The following KDM4C variants were observed in gnomAD, a reference collection of about 807,000 sequenced individuals.
The protein encoded by KDM4C is lysine-specific demethylase 4C.
A neutral mutation model predicts 129.3 loss-of-function variants in KDM4C; 81 were observed. The ratio of observed to expected loss-of-function variants is 0.63; its 90% confidence interval spans 0.52 to 0.75. KDM4C has a LOEUF of 0.75. Among genes scored for constraint, KDM4C ranks in the 30% least tolerant of loss-of-function variants. The pLI is 0.00. For missense variants in KDM4C, 1,457 were observed against 1,304.0 expected, an observed-to-expected ratio of 1.12 and a Z score of -1.81; for synonymous variants, 573 against 456.1, an observed-to-expected ratio of 1.26 and a Z score of -3.26.
chr9:6,732,228 G>A (rs974359270), intron 1 of KDM4C, among the ~76,000 whole-genome samples: 7 of 151,588 alleles, frequency 4.6e-5, no homozygotes, highest in Non-Finnish European at 7.4e-5. Flanking sequence ...AGCCGGGCGT[G>A]GTGGTGGGCG....
At chr9:6,731,953 G>C (rs1174719369) in intron 1 of KDM4C, among the ~76,000 whole-genome samples, 3 of 152,120 alleles carry the variant, frequency 2.0e-5, no homozygotes, top group Non-Finnish European at 4.4e-5. Flanking sequence ...ACCTTTGGGA[G>C]AATACAGTGC....
At chr9:6,748,417 G>T (rs1458172237) in intron 1 of KDM4C, among the ~76,000 whole-genome samples, 1 of 151,640 alleles carries the variant, frequency 6.6e-6, no homozygotes, top group African/African-American at 2.4e-5. Context: ...TGAGGCAGGA[G>T]AATCGCTTGA....
At chr9:7,028,021 A>C (rs1826083324) in intron 15 of KDM4C, among the ~76,000 whole-genome samples, 1 of 152,130 alleles carries the variant, frequency 6.6e-6, no homozygotes, top group African/African-American at 2.4e-5. Flanking sequence ...ACTGGTAAAG[A>C]AATGCTAAGA....
intron 17 of KDM4C, among the ~76,000 whole-genome samples, chr9:7,066,612 G>C (rs920053932): frequency 1.3e-5 from 2 of 152,046 alleles, no homozygotes; most frequent in African/African-American, 4.8e-5. Flanking sequence ...TTTTTATAGT[G>C]GTATTTGTTA....
At chr9:7,148,329 C>T (rs745774012) in intron 19 of KDM4C, among the ~76,000 whole-genome samples, 30 of 152,278 alleles carry the variant, frequency 2.0e-4, no homozygotes, top group African/African-American at 5.5e-4. Context: ...TGCGGTGAGC[C>T]GGGGGGCCAT....
chr9:7,136,842 CT>C (rs1400154134), intron 19 of KDM4C, among the ~76,000 whole-genome samples: 2 of 152,168 alleles, frequency 1.3e-5, no homozygotes, highest in African/African-American at 2.4e-5. Context: ...AATTTGTCAA[CT>C]TTTTCTTAAT....
intron 17 of KDM4C, among the ~76,000 whole-genome samples, chr9:7,067,306 T>C (rs1832557373): frequency 6.6e-6 from 1 of 152,256 alleles, no homozygotes; most frequent in African/African-American, 2.4e-5. Flanking sequence ...GTGCATAACA[T>C]AACCACAACG....
intron 4 of KDM4C, among the ~76,000 whole-genome samples, chr9:6,832,295 G>A (rs1477747224): frequency 6.7e-6 from 1 of 149,140 alleles, no homozygotes; most frequent in African/African-American, 2.5e-5. Flanking sequence ...AGCTGAGATT[G>A]CGCCACTGCA....
intron 1 of KDM4C, among the ~76,000 whole-genome samples, chr9:6,761,528 C>T (rs72699616): frequency 0.074 from 11,265 of 151,996 alleles, 599 homozygotes; most frequent in Non-Finnish European, 0.11. Flanking sequence ...CCATGGTACC[C>T]CGGCTGGTCT....
intron 5 of KDM4C, among the ~76,000 whole-genome samples, chr9:6,869,155 G>C (rs1223970649): frequency 6.6e-6 from 1 of 152,162 alleles, no homozygotes; most frequent in Non-Finnish European, 1.5e-5. Context: ...TTCCCTTCTT[G>C]TAAGGATTTT....
Position 7,175,028 on chromosome 9 carries a change from C to G in KDM4C, c.*299C>G, listed in dbSNP as rs922511567. The G allele has an allele frequency of 8.6e-5, 21 of 244,646 alleles. No homozygotes were observed. Among genetic ancestry groups the G allele is most frequent in the Middle Eastern group, 1.4e-3 (1 of 740 alleles). The allele number at this position is 244,646 out of a possible 1,614,324, so 15.2% of individuals were successfully genotyped here. A position where few individuals can be genotyped will look rare whatever the true frequency, so the allele number is the denominator to read the frequency against. On this transcript the variant is annotated 3_prime_UTR_variant, in exon 22 of 22. Coordinates refer to ENST00000381309, the MANE Select transcript of KDM4C (RefSeq NM_015061.6). ...CTAGTGAATCACCCACAAGGAAAAGCCACTGCCACAGAGGAGGCGGGTCCC... is the reference window on the plus strand; with the variant it reads ...CTAGTGAATCACCCACAAGGAAAAGGCACTGCCACAGAGGAGGCGGGTCCC...
chr9:7,140,181 A>G (rs954621213), intron 19 of KDM4C, among the ~76,000 whole-genome samples: 3 of 151,898 alleles, frequency 2.0e-5, no homozygotes, highest in Non-Finnish European at 4.4e-5. Context: ...GTTTAGCGAG[A>G]CAGTTAACAA....
At chr9:7,032,023 C>T (rs536805302) in intron 15 of KDM4C, among the ~76,000 whole-genome samples, 2 of 152,298 alleles carry the variant, frequency 1.3e-5, no homozygotes, top group East Asian at 1.9e-4. Flanking sequence ...CAGGTAAAGA[C>T]AATTCATGTC....
intron 8 of KDM4C, among the ~76,000 whole-genome samples, chr9:6,911,445 AGC>A (rs1563800173): frequency 2.0e-5 from 3 of 152,234 alleles, no homozygotes; most frequent in Non-Finnish European, 4.4e-5. Context: ...TGGGCTGTCA[AGC>A]TAGTTAATGA....
chr9:6,807,718 C>G (rs964209346), intron 3 of KDM4C, among the ~76,000 whole-genome samples: 1 of 148,804 alleles, frequency 6.7e-6, no homozygotes, highest in African/African-American at 2.5e-5. Context: ...AGGAGCCTCT[C>G]CGCCCGGCAG....
At chr9:7,025,544 A>T (rs1825668378) in intron 15 of KDM4C, among the ~76,000 whole-genome samples, 1 of 152,162 alleles carries the variant, frequency 6.6e-6, no homozygotes, top group Non-Finnish European at 1.5e-5. Context: ...ATTTGAGGTT[A>T]TGATGAGTCT....
chr9:6,858,239 A>G (rs1247915101), intron 5 of KDM4C, among the ~76,000 whole-genome samples: 1 of 146,316 alleles, frequency 6.8e-6, no homozygotes, highest in Non-Finnish European at 1.5e-5. Flanking sequence ...TTTTGTTATT[A>G]GCAATGTTCC....
At chr9:7,038,536 A>G (rs1456165089) in intron 15 of KDM4C, among the ~76,000 whole-genome samples, 1 of 152,032 alleles carries the variant, frequency 6.6e-6, no homozygotes, top group African/African-American at 2.4e-5. Context: ...AAGCTTTGTT[A>G]TAAAAATTTT....
chr9:6,965,971 A>G (rs2131642234), intron 8 of KDM4C, among the ~76,000 whole-genome samples: 1 of 152,374 alleles, frequency 6.6e-6, no homozygotes, highest in East Asian at 1.9e-4. Context: ...TATCAGTTTC[A>G]TACACCATGT....
Sources: gnomAD v4.1 joint callset for allele counts (sites outside exome capture counted in the v4.1 genomes callset) on GRCh38, gnomAD v4.1.1 for gene constraint, MANE v1.5 for transcripts, NCBI Gene and HGNC (gene_info 2026-07-23, HGNC 2026-07-21) for gene names.